The following SUMF1 variants were observed in gnomAD, a reference collection of about 807,000 sequenced individuals.
SUMF1 encodes formylglycine-generating enzyme.
SUMF1 carries 48 observed loss-of-function variants against 47.6 expected under a neutral mutation model. The ratio of observed to expected loss-of-function variants is 1.01; its 90% confidence interval spans 0.80 to 1.28. The LOEUF is 1.28. Among genes scored for constraint, SUMF1 ranks in the 50% most tolerant of loss-of-function variants. The pLI, the probability that SUMF1 is intolerant of heterozygous loss-of-function variation, is 0.00. For missense variants in SUMF1, 571 were observed against 485.4 expected (o/e 1.18, Z -1.66); for synonymous variants, 230 against 192.1 (o/e 1.20, Z -1.63).
intron 8 of SUMF1, among the ~76,000 whole-genome samples, chr3:4,155,123 C>T (rs546279981): frequency 6.6e-6 from 1 of 151,558 alleles, no homozygotes; most frequent in Admixed American, 6.5e-5. Flanking sequence ...AGACATCAAC[C>T]TTCTTTCTAT....
intron 3 of SUMF1, among the ~76,000 whole-genome samples, chr3:4,435,330 A>T (rs1028471364): frequency 6.6e-6 from 1 of 152,226 alleles, no homozygotes; most frequent in African/African-American, 2.4e-5. Flanking sequence ...ACCTGAAGAC[A>T]TATCAACAGA....
chr3:4,102,027 G>A (rs1559471599), intron 8 of SUMF1, among the ~76,000 whole-genome samples: 1 of 152,206 alleles, frequency 6.6e-6, no homozygotes, highest in East Asian at 1.9e-4. Context: ...GATCTCATGA[G>A]AACTCACTCA....
chr3:4,258,661 G>A (rs1354311107), intron 8 of SUMF1, among the ~76,000 whole-genome samples: 1 of 151,376 alleles, frequency 6.6e-6, no homozygotes, highest in East Asian at 1.9e-4. Context: ...TTACACTGTT[G>A]GTGGGACTGT....
chr3:4,278,618 C>T (rs1697466867), intron 8 of SUMF1, among the ~76,000 whole-genome samples: 1 of 152,052 alleles, frequency 6.6e-6, no homozygotes, highest in Admixed American at 6.6e-5. Flanking sequence ...AAACAGACAA[C>T]AGAAACCGTT....
At chr3:4,293,999 G>C (rs1206114575) in intron 8 of SUMF1, among the ~76,000 whole-genome samples, 2 of 152,116 alleles carry the variant, frequency 1.3e-5, no homozygotes, top group African/African-American at 4.8e-5. Context: ...TTCAGACCTA[G>C]GCCCACATTC....
chr3:4,061,842 T>C (rs1695280990), intron 9 of SUMF1, among the ~76,000 whole-genome samples: 1 of 152,092 alleles, frequency 6.6e-6, no homozygotes. Flanking sequence ...TACAGTGCAG[T>C]GTGTAAGGAG....
At chr3:4,442,914 C>A (rs1245028828) in intron 3 of SUMF1, among the ~76,000 whole-genome samples, 3 of 151,614 alleles carry the variant, frequency 2.0e-5, no homozygotes, top group Non-Finnish European at 4.4e-5. Context: ...AGAACAACAT[C>A]CTTATGAATA....
chr3:4,069,699 T>C (rs1695472818), intron 8 of SUMF1, among the ~76,000 whole-genome samples: 1 of 152,158 alleles, frequency 6.6e-6, no homozygotes, highest in African/African-American at 2.4e-5. Flanking sequence ...TAGGGGGTCA[T>C]GCTCTATAAA....
At chr3:4,239,601 G>C (rs1048247889) in intron 8 of SUMF1, among the ~76,000 whole-genome samples, 5 of 152,104 alleles carry the variant, frequency 3.3e-5, no homozygotes, top group African/African-American at 4.8e-5. Context: ...GAATGCTTGT[G>C]ATTTCTGCAC....
intron 8 of SUMF1, among the ~76,000 whole-genome samples, chr3:4,076,009 C>A (rs1692424226): frequency 6.6e-6 from 1 of 152,072 alleles, no homozygotes; most frequent in Admixed American, 6.5e-5. Flanking sequence ...TCACATGGAA[C>A]CAAAAAACAG....
chr3:4,384,594 G>A (rs1349515874), intron 7 of SUMF1, among the ~76,000 whole-genome samples: 4 of 152,066 alleles, frequency 2.6e-5, no homozygotes, highest in Admixed American at 6.6e-5. Flanking sequence ...GTAAACTTTT[G>A]GAACTGGCTT....
chr3:4,316,592 T>C, intron 8 of SUMF1: 7 of 1,551,326 alleles, frequency 4.5e-6, no homozygotes, highest in Non-Finnish European at 6.1e-6. Flanking sequence ...TGACTGAAAA[T>C]CAAAAAAATC....
chr3:4,433,003 C>T (rs959289957), intron 3 of SUMF1, among the ~76,000 whole-genome samples: 1 of 152,108 alleles, frequency 6.6e-6, no homozygotes, highest in Non-Finnish European at 1.5e-5. Context: ...TGTGCCACTT[C>T]GTGGGCCATT....
intron 8 of SUMF1, among the ~76,000 whole-genome samples, chr3:4,178,534 T>C (rs1057278319): frequency 6.6e-6 from 1 of 152,132 alleles, no homozygotes; most frequent in Non-Finnish European, 1.5e-5. Context: ...ATGGATGGAA[T>C]GTATCTCAAA....
At chr3:4,383,274 G>T (rs532347538) in intron 7 of SUMF1, among the ~76,000 whole-genome samples, 188 of 152,264 alleles carry the variant, frequency 1.2e-3, no homozygotes, top group African/African-American at 4.4e-3. Context: ...AGCTTTTAGG[G>T]ATGCTGAGGC....
chr3:4,420,770 C>T (rs1013039109), intron 3 of SUMF1, among the ~76,000 whole-genome samples: 7 of 152,076 alleles, frequency 4.6e-5, no homozygotes, highest in Admixed American at 3.9e-4. Flanking sequence ...GGTAGTGCTG[C>T]TCCTATTTAA....
intron 1 of SUMF1, 136 bp downstream of exon 1, chr3:4,466,840 C>G (rs944629314): frequency 1.8e-5 from 24 of 1,338,766 alleles, no homozygotes; most frequent in Non-Finnish European, 2.3e-5. Context: ...ACTCCTCATA[C>G]GGGAACAGCA....
At chr3:4,155,666 A>G (rs1694436401) in intron 8 of SUMF1, among the ~76,000 whole-genome samples, 1 of 151,508 alleles carries the variant, frequency 6.6e-6, no homozygotes, top group South Asian at 2.1e-4. Flanking sequence ...TTCACAACAA[A>G]TCTGTTTCCC....
At chr3:4,160,903 C>T (rs1037930239) in intron 8 of SUMF1, among the ~76,000 whole-genome samples, 7 of 152,052 alleles carry the variant, frequency 4.6e-5, no homozygotes, top group African/African-American at 1.7e-4. Flanking sequence ...AGTGTCTGGA[C>T]ATTGAAGAGT....
Sources: gnomAD v4.1 joint callset for allele counts (sites outside exome capture counted in the v4.1 genomes callset) on GRCh38, gnomAD v4.1.1 for gene constraint, MANE v1.5 for transcripts, NCBI Gene and HGNC (gene_info 2026-07-23, HGNC 2026-07-21) for gene names.